The following HERC2 variants were observed in gnomAD, a reference collection of about 807,000 sequenced individuals.
HERC2 encodes HECT and RLD domain containing E3 ubiquitin protein ligase 2.
In HERC2, 102 loss-of-function variants were observed where a neutral mutation model predicts 537.7. That is an observed-to-expected ratio of 0.19 (90% CI 0.16 to 0.22). HERC2 has a LOEUF of 0.22. Ranked by LOEUF, HERC2 falls within the 10% of genes least tolerant of loss-of-function variation. HERC2 has a pLI of 1.00. For missense variants in HERC2, 4,236 were observed against 6,198.2 expected, an observed-to-expected ratio of 0.68 and a Z score of 10.63; for synonymous variants, 2,224 against 2,466.2, an observed-to-expected ratio of 0.90 and a Z score of 2.91.
intron 2 of HERC2, among the ~76,000 whole-genome samples, chr15:28,302,969 T>G (rs2141221731): frequency 6.6e-6 from 1 of 151,656 alleles, no homozygotes; most frequent in African/African-American, 2.4e-5. Flanking sequence ...TCTCTTCATT[T>G]TGTTGATTGT....
intron 65 of HERC2, among the ~76,000 whole-genome samples, chr15:28,170,233 A>C (rs1283891215): frequency 2.0e-5 from 3 of 152,276 alleles, no homozygotes; most frequent in Non-Finnish European, 4.4e-5. Context: ...CAAAGGAGCA[A>C]GAATAGAAAT....
At chr15:28,167,490 T>C (rs1352810779) in intron 68 of HERC2, among the ~76,000 whole-genome samples, 197 bp downstream of exon 68, 2 of 152,198 alleles carry the variant, frequency 1.3e-5, no homozygotes, top group East Asian at 3.9e-4. Flanking sequence ...ACTCAAGGAA[T>C]ACACGTGGAA....
rs569857977 is a variant in HERC2, at chr15:28,270,590, C to G, written c.1257+105G>C. On this transcript the variant is annotated intron_variant, in intron 10 of 92. Coordinates refer to ENST00000261609, the MANE Select transcript of HERC2 (RefSeq NM_004667.6). ...GTTTAAAAACCACAGGCCAGCTCCC[C>G]CTACCAATACCAGAAAAAGCAAGTC... 506 of 1,109,994 alleles carry G rather than the reference C, an allele frequency of 4.6e-4. 1 individual carries two copies. Among genetic ancestry groups the G allele is most frequent in the Admixed American group, 1.4e-3 (62 of 43,804 alleles). The allele number at this position is 1,109,994 out of a possible 1,614,324, so 68.8% of individuals were successfully genotyped here.
intron 59 of HERC2, among the ~76,000 whole-genome samples, chr15:28,178,357 C>T (rs773415329): frequency 3.3e-5 from 5 of 152,228 alleles, no homozygotes; most frequent in Admixed American, 1.3e-4. Context: ...CAGCACTCCT[C>T]ATAGACACAG....
intron 7 of HERC2, chr15:28,273,239 A>G: frequency 1.7e-6 from 1 of 576,214 alleles, no homozygotes; most frequent in Non-Finnish European, 3.1e-6. Context: ...ATTACAGTAG[A>G]TGACATACTC....
At position 28,238,682 on chromosome 15, in the gene HERC2, C is replaced by T. The variant is rs749487917; in HGVS notation, c.3668G>A (p.Gly1223Asp). The T allele has an allele frequency of 1.2e-6, 2 of 1,611,194 alleles. No individual in the cohort carries two copies. Among genetic ancestry groups the T allele is most frequent in the East Asian group, 2.2e-5 (1 of 44,866 alleles). Residue 1223 changes from glycine to aspartate, a missense_variant, in exon 24 of 93, where the codon GGC becomes GAC. Coordinates refer to ENST00000261609, the MANE Select transcript of HERC2 (RefSeq NM_004667.6). ...CTTCCCGTCAATCACAGTCCAGAAG[C>T]CTCCATCTTTATTATGGTTCTCCAA... The part of the protein sequence containing the change: ...ADLENHNKDG[G>D]FWTVIDGKVY...
intron 70 of HERC2, among the ~76,000 whole-genome samples, chr15:28,151,324 C>T (rs1414773907): frequency 6.6e-6 from 1 of 152,024 alleles, no homozygotes; most frequent in Non-Finnish European, 1.5e-5. Context: ...AGCATATTAG[C>T]CAGGCAAGGT....
rs150593330 is a variant in HERC2 at position 28,274,436 on chromosome 15, C to T, written c.655G>A (p.Asp219Asn). ...TCCTGCAACAGCTCACTGCAGAGGT[C>T]CGCATCCTCGCCTGGGCGCACACAC... ...RRAWRSGEDA[D>N]LCSELLQESL... Residue 219 changes from aspartate (D) to asparagine (N), a missense_variant, in exon 7 of 93, where the codon GAC becomes AAC. Asp to Asn is a conservative substitution (Grantham distance 23). Coordinates refer to ENST00000261609, the MANE Select transcript of HERC2 (RefSeq NM_004667.6). The T allele has an allele frequency of 6.2e-7, 1 of 1,611,330 alleles. No individual in the cohort carries two copies. The highest frequency in any genetic ancestry group is 8.5e-7 in the Non-Finnish European group (1 of 1,178,936).
At chr15:28,285,699 A>G (rs1431885238) in intron 4 of HERC2, among the ~76,000 whole-genome samples, 1 of 151,874 alleles carries the variant, frequency 6.6e-6, no homozygotes, top group Non-Finnish European at 1.5e-5. Flanking sequence ...AATTAAGGAA[A>G]GAGTAGAAAC....
chr15:28,137,062 A>T (rs975000405), intron 78 of HERC2, among the ~76,000 whole-genome samples: 2 of 152,104 alleles, frequency 1.3e-5, no homozygotes, highest in African/African-American at 4.8e-5. Context: ...TGTCTATGGC[A>T]GAGGGGAATA....
chr15:28,128,010 G>C (rs1889690816), intron 83 of HERC2, among the ~76,000 whole-genome samples: 1 of 152,166 alleles, frequency 6.6e-6, no homozygotes, highest in African/African-American at 2.4e-5. Context: ...ACTGTAGTGA[G>C]CATCATCAGC....
chr15:28,221,927 A>G, intron 36 of HERC2, 101 bp downstream of exon 36: 1 of 970,646 alleles, frequency 1.0e-6, no homozygotes, highest in Non-Finnish European at 1.7e-6. Context: ...ATCAACTGAC[A>G]CATCCTGGAT....
At chr15:28,289,725 T>TAC (rs1364110336) in intron 4 of HERC2, among the ~76,000 whole-genome samples, 1 of 152,240 alleles carries the variant, frequency 6.6e-6, no homozygotes, top group Non-Finnish European at 1.5e-5. Context: ...TCCATGGACT[T>TAC]ACGGGACATG....
At chr15:28,160,521 A>ACCCTCCGAGCCAGG (rs1030245725) in intron 69 of HERC2, among the ~76,000 whole-genome samples, 7 of 152,066 alleles carry the variant, frequency 4.6e-5, no homozygotes, top group African/African-American at 1.7e-4. Flanking sequence ...TGGGCGTGGG[A>ACCCTCCGAGCCAGG]CCCTCCGAGC....
intron 2 of HERC2, among the ~76,000 whole-genome samples, chr15:28,310,382 C>T (rs1426388898): frequency 3.3e-5 from 5 of 152,064 alleles, no homozygotes; most frequent in African/African-American, 4.8e-5. Flanking sequence ...GAGGTAGAGG[C>T]TGCAGTGAGT....
rs1381777756 is a variant in HERC2, at chr15:28,169,624, G to T, written c.10089C>A (p.Ala3363=). 1.6e-5 allele frequency: 26 copies of T among 1,612,820 alleles called. No individual in the cohort carries two copies. The highest frequency in any genetic ancestry group is 2.1e-5 in the Non-Finnish European group (25 of 1,179,710). ...TACTTGCACCACTTATTTTATTACT[G>T]GCAGCAGAAGAATCAGCATCTGAAG... ...GVPSDADSSA[A]SNKISGASNS... is the part of the protein sequence containing the mutation. Residue 3363 remains alanine (A), a synonymous_variant, in exon 66 of 93, where the codon GCC becomes GCA. Coordinates refer to ENST00000261609, the MANE Select transcript of HERC2 (RefSeq NM_004667.6).
chr15:28,171,794 A>G (rs188733108), intron 65 of HERC2, among the ~76,000 whole-genome samples: 16 of 152,240 alleles, frequency 1.1e-4, no homozygotes, highest in Non-Finnish European at 1.9e-4. Context: ...TATACAATAG[A>G]CCGGGTGCGG....
chr15:28,279,922 T>C (rs1311752372), intron 5 of HERC2, 146 bp downstream of exon 5: 1 of 660,902 alleles, frequency 1.5e-6, no homozygotes, highest in Non-Finnish European at 2.6e-6. Context: ...TTCTCCAGAT[T>C]ATACAAAACA....
Position 28,176,499 on chromosome 15 carries a change from C to G in HERC2, c.9615G>C (p.Gln3205His), listed in dbSNP as rs761679372. The change falls in exon 63 of 93, where the codon CAG becomes CAC. Residue 3205 changes from glutamine (Q) to histidine (H), a missense_variant. Gln to His is a conservative substitution (Grantham distance 24). Around this residue, in one of 27 missense-constraint regions of HERC2, gnomAD observed 93 missense variants for 265.1 expected, o/e 0.35. Transcript: ENST00000261609. The surrounding 1 kb of genome is among the most constrained non-coding windows in gnomAD (Gnocchi z 5.0). ...IPQNIERLNG[Q>H]GVCQIECGAQ... ...CTCCACACTCAATCTGGCACACCCC[C>G]TGTCCATTTAGTCTCTCAATGTTCT... 5 of 1,614,238 alleles carry G rather than the reference C, an allele frequency of 3.1e-6. No homozygotes were observed. In the South Asian group the frequency reaches 5.5e-5, roughly 18 times the overall value.
Sources: gnomAD v4.1 joint callset for allele counts (sites outside exome capture counted in the v4.1 genomes callset) on GRCh38, gnomAD v4.1.1 for gene constraint, gnomAD v4.1.1 regional missense constraint, Gnocchi (gnomAD v3.1) non-coding constraint, MANE v1.5 for transcripts, NCBI Gene and HGNC (gene_info 2026-07-23, HGNC 2026-07-21) for gene names.